Variants in FAM171A1 observed in about 807,000 individuals in gnomAD.
The protein encoded by FAM171A1 is family with sequence similarity 171 member A1, also known as protein FAM171A1.
FAM171A1 carries 23 observed loss-of-function variants against 74.9 expected under a neutral mutation model. That is an observed-to-expected ratio of 0.31 (90% CI 0.22 to 0.44). The LOEUF is 0.44. FAM171A1 is among the 20% of genes least tolerant of loss of function. The probability of loss-of-function intolerance (pLI) is 1.00; values close to 1 mark genes in which losing one functional copy is unlikely to be tolerated. For synonymous variants in FAM171A1, 527 were observed against 505.7 expected, an observed-to-expected ratio of 1.04 and a Z score of -0.57; for missense variants, 1,162 against 1,159.2, an observed-to-expected ratio of 1.00 and a Z score of -0.03.
Position 15,212,279 on chromosome 10 carries a change from A to C in FAM171A1, c.*636T>G, listed in dbSNP as rs1833899282. ...AAGAGAGGACACTCAGCGGTTCCTGAAGGGAGACGCTGAGATGGACCGCTG... is the reference window on the plus strand; with the variant it reads ...AAGAGAGGACACTCAGCGGTTCCTGCAGGGAGACGCTGAGATGGACCGCTG... On this transcript the variant is annotated 3_prime_UTR_variant, in exon 8 of 8. Coordinates refer to ENST00000378116, the MANE Select transcript of FAM171A1 (RefSeq NM_001010924.2). 6.5e-6 allele frequency: 1 copy of C among 153,460 alleles called. No individual in the cohort carries two copies. The highest frequency in any genetic ancestry group is 2.4e-5 in the African/African-American group (1 of 41,468). 9.5% of individuals were successfully genotyped at this position (153,460 alleles called of 1,614,324 possible).
intron 5 of FAM171A1, among the ~76,000 whole-genome samples, chr10:15,226,247 A>C (rs1227156124): frequency 1.3e-5 from 2 of 152,284 alleles, no homozygotes; most frequent in South Asian, 4.1e-4. Flanking sequence ...GTGGCTGGAC[A>C]ATGACATGTG....
chr10:15,293,478 G>A (rs1230133571), intron 1 of FAM171A1, among the ~76,000 whole-genome samples: 3 of 152,016 alleles, frequency 2.0e-5, no homozygotes, highest in South Asian at 2.1e-4. Context: ...AGGAGTTTAC[G>A]GTTTTGCGGG....
At chr10:15,262,538 G>C (rs1834671318) in intron 3 of FAM171A1, among the ~76,000 whole-genome samples, 1 of 152,144 alleles carries the variant, frequency 6.6e-6, no homozygotes, top group Non-Finnish European at 1.5e-5. Flanking sequence ...TGGCCACTAG[G>C]TCACGTAACT....
intron 1 of FAM171A1, among the ~76,000 whole-genome samples, chr10:15,319,739 G>A (rs1835464959): frequency 6.6e-6 from 1 of 152,100 alleles, no homozygotes; most frequent in Non-Finnish European, 1.5e-5. Flanking sequence ...GGTCTGTCCA[G>A]GGATTTTGAA....
chr10:15,351,115 T>C (rs1352626331), intron 1 of FAM171A1, among the ~76,000 whole-genome samples: 1 of 152,208 alleles, frequency 6.6e-6, no homozygotes, highest in Non-Finnish European at 1.5e-5. Flanking sequence ...CTTTGCTTCC[T>C]CCATAGGAAC....
At chr10:15,364,796 A>G (rs1475471098) in intron 1 of FAM171A1, among the ~76,000 whole-genome samples, 3 of 151,838 alleles carry the variant, frequency 2.0e-5, no homozygotes, top group African/African-American at 7.3e-5. Flanking sequence ...CCCTTTCTCT[A>G]TCTGCAAAGG....
intron 3 of FAM171A1, among the ~76,000 whole-genome samples, chr10:15,261,639 G>A (rs972383485): frequency 1.3e-5 from 2 of 152,172 alleles, no homozygotes; most frequent in Non-Finnish European, 2.9e-5. Context: ...GAGAAAAGCA[G>A]TTCCCGGGCT....
rs182825212 is a variant in FAM171A1, at chr10:15,268,288, G to C, written c.418+7567C>G. 2.0e-5 allele frequency among the ~76,000 whole-genome samples: 3 copies of C among 152,250 alleles called. No individual in the cohort carries two copies. In the East Asian group the frequency reaches 5.8e-4, roughly 29 times the overall value. On this transcript the variant is annotated intron_variant, in intron 3 of 7. Coordinates refer to ENST00000378116, the MANE Select transcript of FAM171A1 (RefSeq NM_001010924.2). ...TCACTTTGTAAACACTTGATTACTG[G>C]TTTGGCAAGAGTGAAATGGGATAAC... is the stretch of plus-strand genomic sequence containing the variant.
intron 1 of FAM171A1, among the ~76,000 whole-genome samples, chr10:15,350,014 C>T (rs932543428): frequency 2.6e-5 from 4 of 151,786 alleles, no homozygotes; most frequent in Admixed American, 6.6e-5. Flanking sequence ...TGGGTGAAGA[C>T]GAATGATAAT....
At position 15,214,295 on chromosome 10, in the gene FAM171A1, G is replaced by A. The variant is rs936640796; in HGVS notation, c.1293C>T (p.Leu431=). 6.2e-7 allele frequency: 1 copy of A among 1,613,676 alleles called. No homozygotes were observed. Among genetic ancestry groups the A allele is most frequent in the Admixed American group, 1.7e-5 (1 of 59,920 alleles). Reference sequence around the variant, plus strand: ...TTTTATCCTCTTCCTTGCAAGAGAGGAGCTCCTCCCGGGAGCTAAATTCCT... The same window carrying A: ...TTTTATCCTCTTCCTTGCAAGAGAGAAGCTCCTCCCGGGAGCTAAATTCCT... ...TSQEFSSREE[L]LSCKEEDKSQ... Residue 431 remains leucine (L), a synonymous_variant, in exon 8 of 8, where the codon CTC becomes CTT. Transcript: ENST00000378116.
At chr10:15,299,497 G>T (rs200426478) in intron 1 of FAM171A1, among the ~76,000 whole-genome samples, 1 of 150,496 alleles carries the variant, frequency 6.6e-6, no homozygotes. Context: ...TGTTTTTTTT[G>T]TTTTTTTGTC....
At chr10:15,255,604 C>T (rs1834569725) in intron 3 of FAM171A1, among the ~76,000 whole-genome samples, 1 of 151,942 alleles carries the variant, frequency 6.6e-6, no homozygotes. Flanking sequence ...TTGGTTGTGC[C>T]GTCCTCTGCA....
intron 1 of FAM171A1, among the ~76,000 whole-genome samples, chr10:15,348,560 G>T (rs1052366895): frequency 6.6e-6 from 1 of 152,120 alleles, no homozygotes; most frequent in Non-Finnish European, 1.5e-5. Context: ...GGTCTATGAC[G>T]GCGTCCTGGC....
intron 1 of FAM171A1, among the ~76,000 whole-genome samples, chr10:15,350,024 T>C (rs1835859628): frequency 6.6e-6 from 1 of 151,890 alleles, no homozygotes; most frequent in Non-Finnish European, 1.5e-5. Context: ...CGAATGATAA[T>C]AATCTGTGAG....
intron 1 of FAM171A1, among the ~76,000 whole-genome samples, chr10:15,356,220 A>C (rs145933061): frequency 6.7e-6 from 1 of 148,898 alleles, no homozygotes; most frequent in African/African-American, 2.5e-5. Context: ...ACATACATAC[A>C]TATATATATA....
At chr10:15,341,994 G>C (rs547986579) in intron 1 of FAM171A1, among the ~76,000 whole-genome samples, 6 of 152,256 alleles carry the variant, frequency 3.9e-5, no homozygotes, top group African/African-American at 1.4e-4. Flanking sequence ...GTTTATTACT[G>C]GATTCCAGAG....
chr10:15,251,156 C>T (rs4750613), intron 4 of FAM171A1, among the ~76,000 whole-genome samples: 35,220 of 152,074 alleles, frequency 0.23, 4,691 homozygotes, highest in East Asian at 0.48. Flanking sequence ...TAAGTACACT[C>T]AGCTTGAAAC....
At chr10:15,245,737 A>T (rs868045603) in intron 5 of FAM171A1, among the ~76,000 whole-genome samples, 15 of 152,152 alleles carry the variant, frequency 9.9e-5, no homozygotes, top group Non-Finnish European at 1.9e-4. Context: ...CAGTGCATTG[A>T]CCTGGGTGCG....
intron 3 of FAM171A1, among the ~76,000 whole-genome samples, chr10:15,275,109 G>C (rs905651847): frequency 2.0e-5 from 3 of 152,086 alleles, no homozygotes; most frequent in Non-Finnish European, 2.9e-5. Context: ...TCGTGGGGTT[G>C]GGGGAGTGGG....
Sources: gnomAD v4.1 joint callset for allele counts (sites outside exome capture counted in the v4.1 genomes callset) on GRCh38, gnomAD v4.1.1 for gene constraint, MANE v1.5 for transcripts, NCBI Gene and HGNC (gene_info 2026-07-23, HGNC 2026-07-21) for gene names.